Variants in NEGR1 observed in about 807,000 individuals in gnomAD.
NEGR1 encodes the protein IgLON family member 4.
NEGR1 carries 10 observed loss-of-function variants against 40.9 expected under a neutral mutation model. The observed-to-expected ratio is 0.24, with a 90% confidence interval of 0.15 to 0.42. The LOEUF (loss-of-function observed/expected upper bound fraction) is 0.42, where lower values mean the gene tolerates loss of function less well. NEGR1 is among the 10% of genes least tolerant of loss of function. NEGR1 has a pLI of 1.00. For missense variants in NEGR1, 352 were observed against 438.9 expected (o/e 0.80, Z 1.77); for synonymous variants, 185 against 166.8 (o/e 1.11, Z -0.84).
intron 6 of NEGR1, among the ~76,000 whole-genome samples, chr1:71,491,435 G>A (rs1646926866): frequency 6.6e-6 from 1 of 151,858 alleles, no homozygotes; most frequent in Admixed American, 6.6e-5. Flanking sequence ...AAAACGTGAA[G>A]GAATATGTAT....
At chr1:72,095,717 C>A (rs1246175010) in intron 1 of NEGR1, among the ~76,000 whole-genome samples, 1 of 151,732 alleles carries the variant, frequency 6.6e-6, no homozygotes, top group East Asian at 1.9e-4. Flanking sequence ...CAATTATTTC[C>A]CATGTAAGTA....
At chr1:71,651,979 T>TATA (rs1651733508) in intron 4 of NEGR1, among the ~76,000 whole-genome samples, 1 of 152,178 alleles carries the variant, frequency 6.6e-6, no homozygotes, top group Non-Finnish European at 1.5e-5. Context: ...ATACTAAATG[T>TATA]TTTATGCCAA....
intron 1 of NEGR1, among the ~76,000 whole-genome samples, chr1:72,182,547 T>G (rs1277531192): frequency 6.6e-6 from 1 of 152,144 alleles, no homozygotes; most frequent in South Asian, 2.1e-4. Context: ...TATATTTCCA[T>G]TTTGGGTCTT....
intron 1 of NEGR1, among the ~76,000 whole-genome samples, chr1:71,944,987 G>GT (rs910448756): frequency 6.6e-6 from 1 of 151,864 alleles, no homozygotes; most frequent in Non-Finnish European, 1.5e-5. Context: ...AAAAATTAAT[G>GT]TTTTTTTAAA....
At chr1:71,781,565 G>A (rs1221692890) in intron 2 of NEGR1, among the ~76,000 whole-genome samples, 1 of 152,120 alleles carries the variant, frequency 6.6e-6, no homozygotes, top group African/African-American at 2.4e-5. Context: ...GGGCTAAAAG[G>A]TAGATGGAAT....
intron 6 of NEGR1, among the ~76,000 whole-genome samples, chr1:71,505,330 G>A (rs775962101): frequency 4.0e-5 from 6 of 151,404 alleles, no homozygotes; most frequent in Non-Finnish European, 7.4e-5. Context: ...CTCTTTCGCC[G>A]GAGTGCAGTG....
chr1:72,267,621 T>C (rs903166561), intron 1 of NEGR1, among the ~76,000 whole-genome samples: 1 of 151,448 alleles, frequency 6.6e-6, no homozygotes, highest in Admixed American at 6.6e-5. Flanking sequence ...CCATTGTGCA[T>C]AGGCATGTTA....
chr1:72,177,081 T>A (rs1180468318), intron 1 of NEGR1, among the ~76,000 whole-genome samples: 1 of 152,092 alleles, frequency 6.6e-6, no homozygotes, highest in African/African-American at 2.4e-5. Flanking sequence ...GAAAATCTAA[T>A]ATTCATTGTG....
At chr1:71,645,994 C>T (rs1651518285) in intron 4 of NEGR1, among the ~76,000 whole-genome samples, 1 of 151,670 alleles carries the variant, frequency 6.6e-6, no homozygotes, top group Non-Finnish European at 1.5e-5. Context: ...CTATTGCCCC[C>T]TTACCTTAAA....
chr1:71,688,393 A>AGATATATATAAAAG (rs1557613844), intron 4 of NEGR1, among the ~76,000 whole-genome samples: 3 of 32,142 alleles, frequency 9.3e-5, no homozygotes, highest in Non-Finnish European at 1.7e-4. Context: ...AGATATATAA[A>AGATATATATAAAAG]ATATATATAT....
In NEGR1 at chr1:72,274,988, G is replaced by A. The variant is rs971959224; in HGVS notation, c.176+7331C>T. 24 of 1,536,152 alleles carry A rather than the reference G, an allele frequency of 1.6e-5. No homozygotes were observed. The East Asian group carries it at 3.2e-4, about 20-fold the overall frequency. ...CAAGGGAAGTACATTGCCATAGTTA[G>A]TACGACTGTGGAAACCAAGGAGCCT... On this transcript the variant is annotated intron_variant, in intron 1 of 6. Transcript: ENST00000357731.
chr1:71,886,813 G>A (rs978361677), intron 2 of NEGR1, among the ~76,000 whole-genome samples: 1 of 152,152 alleles, frequency 6.6e-6, no homozygotes, highest in Non-Finnish European at 1.5e-5. Context: ...TAACATGGAG[G>A]AGAAGAGCAC....
At chr1:71,463,945 C>T (rs756161141) in intron 6 of NEGR1, among the ~76,000 whole-genome samples, 2 of 152,084 alleles carry the variant, frequency 1.3e-5, no homozygotes, top group Non-Finnish European at 2.9e-5. Context: ...TGAATTGTAT[C>T]GTCAGGAATC....
chr1:71,973,974 C>A (rs1314150387), intron 1 of NEGR1, among the ~76,000 whole-genome samples: 1 of 151,200 alleles, frequency 6.6e-6, no homozygotes, highest in African/African-American at 2.4e-5. Context: ...TGCTGTATTT[C>A]TATTTGATTC....
Position 72,021,014 on chromosome 1 carries a change from TC to T in NEGR1, c.177-85704del, listed in dbSNP as rs569536928. On this transcript the variant is annotated intron_variant, in intron 1 of 6. Transcript: ENST00000357731. ...TGATAGTTGGAAATAACACATTTTT[TC>T]CAAGAACCACTGAAACATTTACAAA... Among the ~76,000 whole-genome samples, 34 of 152,288 alleles carry T rather than the reference TC, an allele frequency of 2.2e-4. 1 individual carries two copies. The East Asian group carries it at 6.6e-3, about 29-fold the overall frequency.
Position 71,643,990 on chromosome 1 carries a change from C to T in NEGR1, c.668-32844G>A, listed in dbSNP as rs528847181. Among the ~76,000 whole-genome samples the T allele has an allele frequency of 1.3e-4, 20 of 152,010 alleles. No individual in the cohort carries two copies. In the South Asian group the frequency reaches 4.1e-3, roughly 32 times the overall value. On this transcript the variant is annotated intron_variant, in intron 4 of 6. Coordinates refer to ENST00000357731, the MANE Select transcript of NEGR1 (RefSeq NM_173808.3). ...TTACACTGCCACAGAGAAAGAAACCCCAAGTAATGGAGGAGAATTCTTTTC... is the reference window on the plus strand; with the variant it reads ...TTACACTGCCACAGAGAAAGAAACCTCAAGTAATGGAGGAGAATTCTTTTC...
chr1:71,908,510 C>T (rs1363371143), intron 2 of NEGR1, among the ~76,000 whole-genome samples: 1 of 152,066 alleles, frequency 6.6e-6, no homozygotes, highest in Admixed American at 6.6e-5. Context: ...GATCTTAGCA[C>T]CAATCTAACG....
At chr1:71,620,759 A>G (rs1650583875) in intron 4 of NEGR1, among the ~76,000 whole-genome samples, 1 of 151,938 alleles carries the variant, frequency 6.6e-6, no homozygotes, top group Non-Finnish European at 1.5e-5. Flanking sequence ...AAAATAATCT[A>G]GTTTGTAATG....
chr1:71,994,260 G>A (rs534420752), intron 1 of NEGR1, among the ~76,000 whole-genome samples: 5 of 152,122 alleles, frequency 3.3e-5, no homozygotes, highest in African/African-American at 1.2e-4. Flanking sequence ...CTGGTGTGGT[G>A]GCTCACGCCT....
Sources: allele counts gnomAD v4.1 joint callset (sites outside exome capture counted in the v4.1 genomes callset), GRCh38; gene constraint gnomAD v4.1.1; transcripts MANE v1.5; gene names NCBI Gene and HGNC (gene_info 2026-07-23, HGNC 2026-07-21).